R3HDM2: variants seen among roughly 807,000 people sequenced by gnomAD.
R3HDM2 encodes R3H domain containing 2, also known as R3H domain-containing protein 2.
In R3HDM2, 38 loss-of-function variants were observed where a neutral mutation model predicts 124.5. The ratio of observed to expected loss-of-function variants is 0.31; its 90% CI spans 0.24 to 0.40. The LOEUF (loss-of-function observed/expected upper bound fraction) is 0.40. Among genes scored for constraint, R3HDM2 ranks in the 10% least tolerant of loss-of-function variants. The pLI, the probability that R3HDM2 is intolerant of heterozygous loss-of-function variation, is 1.00. For missense variants in R3HDM2, 869 were observed against 1,236.9 expected (o/e 0.70, Z 4.46); for synonymous variants, 391 against 448.0 (o/e 0.87, Z 1.61).
At chr12:57,277,924 A>G (rs2045228413) in intron 14 of R3HDM2, among the ~76,000 whole-genome samples, 1 of 152,192 alleles carries the variant, frequency 6.6e-6, no homozygotes, top group African/African-American at 2.4e-5. Flanking sequence ...CCAATCAGGG[A>G]AAAAGAAAGC....
intron 1 of R3HDM2, among the ~76,000 whole-genome samples, chr12:57,408,580 A>G (rs1350501718): frequency 3.3e-5 from 5 of 152,140 alleles, no homozygotes; most frequent in African/African-American, 7.2e-5. Flanking sequence ...AAAAACAAAA[A>G]CAAAACAATA....
At chr12:57,271,691 C>A (rs981960473) in intron 14 of R3HDM2, among the ~76,000 whole-genome samples, 1 of 152,124 alleles carries the variant, frequency 6.6e-6, no homozygotes, top group Non-Finnish European at 1.5e-5. Context: ...TAAGACAGAG[C>A]AAAACAATTC....
intron 2 of R3HDM2, among the ~76,000 whole-genome samples, chr12:57,343,240 G>A (rs962361383): frequency 7.0e-6 from 1 of 141,856 alleles, no homozygotes. Context: ...GCCCAAGCTA[G>A]AGTCCAATGG....
intron 2 of R3HDM2, among the ~76,000 whole-genome samples, chr12:57,339,543 C>A (rs2059294070): frequency 6.6e-6 from 1 of 151,814 alleles, no homozygotes; most frequent in Admixed American, 6.6e-5. Flanking sequence ...ACTAAAAATA[C>A]AAAAATTAGC....
chr12:57,310,333 T>C lies in R3HDM2; in HGVS notation c.96A>G (p.Ile32Met). The C allele has an allele frequency of 1.3e-6, 2 of 1,549,802 alleles. No homozygotes were observed. Among genetic ancestry groups the C allele is most frequent in the Non-Finnish European group, 8.7e-7 (1 of 1,146,290 alleles). ...VEESVNKNKF[I>M]SKTPSKEEIE... The stretch of plus-strand genomic sequence containing the variant: ...TTTCTTCCTTACTTGGAGTCTTAGA[T>C]ATAAACTTGTTTTTGTTTACAGATT... The change falls in exon 3 of 24, where the codon ATA (isoleucine) becomes ATG (methionine). Residue 32 changes from isoleucine to methionine, a missense_variant. Transcript: ENST00000402412.
At chr12:57,361,996 G>A (rs966934213) in intron 2 of R3HDM2, among the ~76,000 whole-genome samples, 2 of 152,172 alleles carry the variant, frequency 1.3e-5, no homozygotes, top group African/African-American at 2.4e-5. Flanking sequence ...AGCCATGCGC[G>A]GTGGAGCAGG....
At position 57,288,994 on chromosome 12, in the gene R3HDM2, C is replaced by A. The variant is rs750525215; in HGVS notation, c.938+15G>T. 1 of 1,549,086 alleles carries A rather than the reference C, an allele frequency of 6.5e-7. No individual in the cohort carries two copies. The highest frequency in any genetic ancestry group is 1.4e-5 in the African/African-American group (1 of 73,078). On this transcript the variant is annotated intron_variant, in intron 12 of 23. Transcript: ENST00000402412. ...AGCTCAATGAGAAGCAGGGAACATG[C>A]TAAGTGGTACTAACCTGATGTCATT...
chr12:57,349,950 C>T (rs561828732), intron 2 of R3HDM2, among the ~76,000 whole-genome samples: 2 of 152,194 alleles, frequency 1.3e-5, no homozygotes, highest in South Asian at 4.1e-4. Flanking sequence ...CAATGGCTCA[C>T]GCCTGTAATC....
At chr12:57,270,105 A>G (rs2043252022) in intron 14 of R3HDM2, 111 bp from the exon 15 acceptor site, 1 of 1,314,132 alleles carries the variant, frequency 7.6e-7, no homozygotes, top group Non-Finnish European at 1.1e-6. Context: ...CTTTAAAACA[A>G]TGGGGGATAG....
chr12:57,283,798 A>G (rs1383741928), intron 13 of R3HDM2, 26 bp downstream of exon 13: 1 of 1,603,252 alleles, frequency 6.2e-7, no homozygotes, highest in Non-Finnish European at 8.5e-7. Flanking sequence ...GATGGGTATG[A>G]CATGGAAGAA....
chr12:57,385,229 G>C (rs1196103204), intron 2 of R3HDM2, among the ~76,000 whole-genome samples: 1 of 150,350 alleles, frequency 6.7e-6, no homozygotes, highest in South Asian at 2.1e-4. Context: ...ACATTGAGGA[G>C]ATAAAAACTT....
At chr12:57,365,157 G>T (rs915842951) in intron 2 of R3HDM2, among the ~76,000 whole-genome samples, 2 of 151,266 alleles carry the variant, frequency 1.3e-5, no homozygotes. Context: ...CCAGCTACTA[G>T]GGAGGCTGAG....
At chr12:57,375,058 TAA>T (rs954991408) in intron 2 of R3HDM2, among the ~76,000 whole-genome samples, 1 of 145,918 alleles carries the variant, frequency 6.9e-6, no homozygotes, top group Non-Finnish European at 1.5e-5. Flanking sequence ...ATTAACCATT[TAA>T]AAAAAAAAAT....
intron 1 of R3HDM2, among the ~76,000 whole-genome samples, chr12:57,404,734 T>C (rs545339494): frequency 2.2e-4 from 33 of 151,072 alleles, no homozygotes; most frequent in African/African-American, 7.8e-4. Context: ...AAACAAGGTA[T>C]CTAGGTCAGC....
At chr12:57,358,600 C>A (rs912623155) in intron 2 of R3HDM2, among the ~76,000 whole-genome samples, 7 of 149,450 alleles carry the variant, frequency 4.7e-5, no homozygotes, top group Non-Finnish European at 1.0e-4. Context: ...GCCAAGATGG[C>A]ACCATTGCAC....
At chr12:57,395,141 C>A (rs1323232795) in intron 2 of R3HDM2, among the ~76,000 whole-genome samples, 1 of 151,366 alleles carries the variant, frequency 6.6e-6, no homozygotes. Context: ...ACTCAGGAGG[C>A]ACAGGTTGCT....
intron 18 of R3HDM2, 48 bp from the exon 19 acceptor site, chr12:57,266,879 C>A: frequency 7.5e-7 from 1 of 1,342,126 alleles, no homozygotes; most frequent in Non-Finnish European, 1.0e-6. Context: ...GAGGGATGAA[C>A]ACAGCTCCTG....
At chr12:57,395,073 G>T (rs2067290353) in intron 2 of R3HDM2, among the ~76,000 whole-genome samples, 1 of 152,060 alleles carries the variant, frequency 6.6e-6, no homozygotes, top group Admixed American at 6.6e-5. Context: ...AGCTGGGCAT[G>T]GTGGTGGGCG....
At chr12:57,267,648 T>A (rs182792928) in intron 18 of R3HDM2, among the ~76,000 whole-genome samples, 63 of 152,172 alleles carry the variant, frequency 4.1e-4, no homozygotes, top group Non-Finnish European at 6.5e-4. Context: ...GAGACATATA[T>A]AGAAAAAGAC....
Sources: gnomAD v4.1 joint callset for allele counts (sites outside exome capture counted in the v4.1 genomes callset) on GRCh38, gnomAD v4.1.1 for gene constraint, MANE v1.5 for transcripts, NCBI Gene and HGNC (gene_info 2026-07-23, HGNC 2026-07-21) for gene names.